TDRD6: variants seen among roughly 807,000 people sequenced by gnomAD.
TDRD6 encodes the protein tudor domain containing 6.
A neutral mutation model predicts 157.5 loss-of-function variants in TDRD6; 186 were observed. The observed-to-expected ratio is 1.18, with a 90% CI of 1.05 to 1.33. The LOEUF (loss-of-function observed/expected upper bound fraction) is 1.33. Ranked by LOEUF, TDRD6 falls within the 40% of genes most tolerant of loss-of-function variation. The probability of loss-of-function intolerance (pLI) is 0.00; values close to 1 mark genes in which losing one functional copy is unlikely to be tolerated. For missense variants in TDRD6, 3,066 were observed against 2,508.0 expected, an observed-to-expected ratio of 1.22 and a Z score of -4.75; for synonymous variants, 1,075 against 945.2, an observed-to-expected ratio of 1.14 and a Z score of -2.52.
chr6:46,704,303 A>AT lies in TDRD6; in HGVS notation c.*2419dup. On this transcript the variant is annotated 3_prime_UTR_variant, in exon 4 of 4. Transcript: ENST00000316081. The stretch of plus-strand genomic sequence containing the variant: ...AAAAGGAATCATCTTTAAAATTAAA[A>AT]TTTAGGCTGATATGAATATTGTATA... The AT allele has an allele frequency of 2.6e-6, 1 of 378,966 alleles. No individual in the cohort carries two copies. Among genetic ancestry groups the AT allele is most frequent in the Non-Finnish European group, 4.8e-6 (1 of 207,400 alleles). 23.5% of individuals were successfully genotyped at this position (378,966 alleles called of 1,614,324 possible). A position where few individuals can be genotyped will look rare whatever the true frequency, so the allele number is the denominator to read the frequency against.
chr6:46,691,219 A>T lies in TDRD6; in HGVS notation c.3091A>T (p.Thr1031Ser). ...QLSKVLLNLK[T>S]SPLNPGTLCL... ...AAGTAAAGTTTTGCTGAATTTAAAA[A>T]CATCTCCCTTGAACCCTGGAACCTT... Residue 1031 changes from threonine to serine, a missense_variant, in exon 1 of 4, where the codon ACA becomes TCA. Thr to Ser is a moderately conservative substitution (Grantham distance 58). Transcript: ENST00000316081. The T allele has an allele frequency of 1.2e-6, 2 of 1,613,532 alleles. No individual in the cohort carries two copies. The highest frequency in any genetic ancestry group is 1.7e-6 in the Non-Finnish European group (2 of 1,179,810).
In TDRD6 at chr6:46,689,744, C is replaced by T; in HGVS notation, c.1616C>T (p.Pro539Leu). The stretch of plus-strand genomic sequence containing the variant: ...GATGGTGTAGTTTTGAAACCTGAAC[C>T]TGATGACCTTTGCTGTGTCAAGTGG... ...KLDGVVLKPEPDDLCCVKWKE... is the reference protein window; with the variant it reads ...KLDGVVLKPELDDLCCVKWKE... Residue 539 changes from proline (P) to leucine (L), a missense_variant, in exon 1 of 4, where the codon CCT (proline) becomes CTT (leucine). Transcript: ENST00000316081. 1 of 1,614,158 alleles carries T rather than the reference C, an allele frequency of 6.2e-7. No individual in the cohort carries two copies. Among genetic ancestry groups the T allele is most frequent in the Non-Finnish European group, 8.5e-7 (1 of 1,180,034 alleles).
At position 46,688,975 on chromosome 6, in the gene TDRD6, A is replaced by AT. The variant is rs1476089204; in HGVS notation, c.848dup (p.Met283IlefsTer14). 1.9e-6 allele frequency: 3 copies of AT among 1,613,490 alleles called. No homozygotes were observed. The highest frequency in any genetic ancestry group is 2.5e-6 in the Non-Finnish European group (3 of 1,179,730). On this transcript the variant is annotated frameshift_variant, in exon 1 of 4. Coordinates refer to ENST00000316081, the MANE Select transcript of TDRD6 (RefSeq NM_001010870.3). LOFTEE classifies it high-confidence loss of function. ...GGAGATCCACCGCCTCTCCGAGAGC[A>AT]TGGCCCAGGTATACCGGGGTTCCAC...
Position 46,702,931 on chromosome 6 carries a change from T to C in TDRD6, c.*1044T>C, listed in dbSNP as rs1047975332. ...TTTTTAAGATGAGAAATAATTGATATAAAGTCCCTGAAAAGGAGTAGGCAT... is the reference window on the plus strand; with the variant it reads ...TTTTTAAGATGAGAAATAATTGATACAAAGTCCCTGAAAAGGAGTAGGCAT... On this transcript the variant is annotated 3_prime_UTR_variant, in exon 4 of 4. Transcript: ENST00000316081. 1.3e-5 allele frequency: 2 copies of C among 152,082 alleles called. No homozygotes were observed. The highest frequency in any genetic ancestry group is 2.4e-5 in the African/African-American group (1 of 41,442). The allele number at this position is 152,082 out of a possible 1,614,324, so 9.4% of individuals were successfully genotyped here. A position where few individuals can be genotyped will look rare whatever the true frequency, so the allele number is the denominator to read the frequency against.
chr6:46,688,561 G>A lies in TDRD6; in HGVS notation c.433G>A (p.Glu145Lys), dbSNP rs199922231. Residue 145 changes from glutamate (E) to lysine (K), a missense_variant, in exon 1 of 4, where the codon GAG (glutamate) becomes AAG (lysine). Physicochemically the swap from Glu to Lys is moderately conservative, Grantham distance 56 (BLOSUM62 1). Transcript: ENST00000316081. ...VPAGCGAGSGEPPQHWPADAV... is the reference protein window; with the variant it reads ...VPAGCGAGSGKPPQHWPADAV... ...GGCAGGCTGCGGCGCGGGCTCAGGC[G>A]AGCCGCCGCAGCACTGGCCCGCCGA... 9.8e-5 allele frequency: 155 copies of A among 1,586,450 alleles called. No individual in the cohort carries two copies. The African/African-American group carries it at 1.9e-3, about 19-fold the overall frequency.
Position 46,701,973 on chromosome 6 carries a change from A to G in TDRD6, c.*86A>G, listed in dbSNP as rs192738120. 2.1e-3 allele frequency: 3,025 copies of G among 1,464,820 alleles called. 7 individuals carry two copies. The highest frequency in any genetic ancestry group is 2.0e-3 in the Non-Finnish European group (2,135 of 1,062,182). The allele number at this position is 1,464,820 out of a possible 1,614,324, so 90.7% of individuals were successfully genotyped here. A position where few individuals can be genotyped will look rare whatever the true frequency, so the allele number is the denominator to read the frequency against. ...CGCAGACCAACAGAGTATTTGAGAA[A>G]ATTGAAAACATGTAACCACAAGAAG... On this transcript the variant is annotated 3_prime_UTR_variant, in exon 4 of 4. Transcript: ENST00000316081.
At chr6:46,701,145 A>G (rs775660541) in intron 3 of TDRD6, 17 of 275,270 alleles carry the variant, frequency 6.2e-5, no homozygotes, top group Middle Eastern at 1.1e-3. Flanking sequence ...AATCCCTCAA[A>G]CAAAAATGGT....
At chr6:46,683,235 A>T (rs1764004946), upstream of TDRD6, among the ~76,000 whole-genome samples, 1 of 152,062 alleles carries the variant, frequency 6.6e-6, no homozygotes, top group East Asian at 1.9e-4. Context: ...TTTGCAACAA[A>T]TGGCAGTATA....
intron 2 of TDRD6, among the ~76,000 whole-genome samples, chr6:46,697,334 C>G (rs956858625): frequency 2.6e-5 from 4 of 152,034 alleles, no homozygotes; most frequent in African/African-American, 9.7e-5. Context: ...TCAACCTTCC[C>G]CCATCCCAAA....
At chr6:46,680,833 C>T in the TDRD6 span, among the ~76,000 whole-genome samples, 4 of 152,088 alleles carry the variant, frequency 2.6e-5, no homozygotes, top group African/African-American at 4.8e-5. Flanking sequence ...CTCCATCTAC[C>T]TTTCTTCCCA....
Position 46,689,207 on chromosome 6 carries a change from G to C in TDRD6, c.1079G>C (p.Arg360Pro), listed in dbSNP as rs779487173. Residue 360 changes from arginine to proline, a missense_variant, in exon 1 of 4, where the codon CGG (arginine) becomes CCG (proline). By Grantham distance (103) the Arg-to-Pro change is moderately radical (BLOSUM62 -2). Transcript: ENST00000316081. ...RKELVSCSSL[R>P]YLLPEYFRMP... Reference sequence around the variant, plus strand: ...GAGTTAGTGAGTTGCAGCAGCCTTCGGTACTTGCTGCCTGAATATTTTCGA... The same window carrying C: ...GAGTTAGTGAGTTGCAGCAGCCTTCCGTACTTGCTGCCTGAATATTTTCGA... 2 of 1,614,142 alleles carry C rather than the reference G, an allele frequency of 1.2e-6. No individual in the cohort carries two copies. The highest frequency in any genetic ancestry group is 2.2e-5 in the South Asian group (2 of 91,066).
At chr6:46,701,027 T>C (rs1456457471) in intron 3 of TDRD6, 1 of 464,572 alleles carries the variant, frequency 2.2e-6, no homozygotes, top group South Asian at 1.6e-5. Flanking sequence ...GGGAAAGATC[T>C]TTACTTCATG....
At position 46,689,967 on chromosome 6, in the gene TDRD6, C is replaced by T. The variant is rs1367922911; in HGVS notation, c.1839C>T (p.Ser613=). Reference sequence around the variant, plus strand: ...TTTGGCCTTTGGGAAAAACTTGGAGCCAGGAGGCAGTTTCCTTTTTTAAAA... The same window carrying T: ...TTTGGCCTTTGGGAAAAACTTGGAGTCAGGAGGCAGTTTCCTTTTTTAAAA... ...ADIWPLGKTW[S]QEAVSFFKKT... is the part of the protein sequence containing the mutation. Residue 613 remains serine (S), a synonymous_variant, in exon 1 of 4, where the codon AGC becomes AGT. Coordinates refer to ENST00000316081, the MANE Select transcript of TDRD6 (RefSeq NM_001010870.3). 7 of 1,613,558 alleles carry T rather than the reference C, an allele frequency of 4.3e-6. No homozygotes were observed. Among genetic ancestry groups the T allele is most frequent in the Admixed American group, 1.7e-5 (1 of 59,920 alleles).
chr6:46,693,583 T>G lies in TDRD6; in HGVS notation c.5455T>G (p.Leu1819Val). The G allele has an allele frequency of 6.2e-7, 1 of 1,614,176 alleles. No homozygotes were observed. Among genetic ancestry groups the G allele is most frequent in the Non-Finnish European group, 8.5e-7 (1 of 1,180,030 alleles). The change falls in exon 1 of 4, where the codon TTA becomes GTA. Residue 1819 changes from leucine to valine, a missense_variant. Transcript: ENST00000316081. ...DKYLITGFNT[L>V]LPHANETKEI... ...ATACCTGATTACAGGATTTAACACATTACTACCACATGCTAATGAAACAAA... is the reference window on the plus strand; with the variant it reads ...ATACCTGATTACAGGATTTAACACAGTACTACCACATGCTAATGAAACAAA...
Position 46,688,536 on chromosome 6 carries a change from G to C in TDRD6, c.408G>C (p.Pro136=), listed in dbSNP as rs191250380. The change falls in exon 1 of 4, where the codon CCG becomes CCC. Residue 136 remains proline (P), a synonymous_variant. Coordinates refer to ENST00000316081, the MANE Select transcript of TDRD6 (RefSeq NM_001010870.3). ...VLGCVLAGLV[P]AGCGAGSGEP... is the part of the protein sequence containing the mutation. ...GCTGCGTGCTAGCGGGCCTGGTGCC[G>C]GCAGGCTGCGGCGCGGGCTCAGGCG... The C allele has an allele frequency of 3.8e-6, 6 of 1,572,600 alleles. No individual in the cohort carries two copies. Among genetic ancestry groups the C allele is most frequent in the Non-Finnish European group, 4.3e-6 (5 of 1,164,384 alleles).
rs781150687 is a variant in TDRD6 at position 46,690,416 on chromosome 6, C to T, written c.2288C>T (p.Ser763Phe). 4 of 1,613,998 alleles carry T rather than the reference C, an allele frequency of 2.5e-6. No homozygotes were observed. Among genetic ancestry groups the T allele is most frequent in the African/African-American group, 2.7e-5 (2 of 75,050 alleles). Reference sequence around the variant, plus strand: ...TGCTTGGAAATTAAGCCAGGCTCCTCTAGTAAAGGAGAGCTGGAAGTTGGA... The same window carrying T: ...TGCTTGGAAATTAAGCCAGGCTCCTTTAGTAAAGGAGAGCTGGAAGTTGGA... ...QNCLEIKPGS[S>F]SKGELEVGST... Residue 763 changes from serine (S) to phenylalanine (F), a missense_variant, in exon 1 of 4, where the codon TCT (serine) becomes TTT (phenylalanine). Transcript: ENST00000316081.
At position 46,698,040 on chromosome 6, in the gene TDRD6, G is replaced by T; in HGVS notation, c.6214G>T (p.Glu2072Ter). ...SNGMEEIVNP[E>*]NVWNGIPKLD... Reference sequence around the variant, plus strand: ...TGGTATGGAGGAGATAGTGAACCCTGAGAATGTCTGGAATGGCATACCCAA... The same window carrying T: ...TGGTATGGAGGAGATAGTGAACCCTTAGAATGTCTGGAATGGCATACCCAA... The change falls in exon 3 of 4, where the codon GAG becomes TAG. Residue 2072 changes from glutamate (E) to a stop codon, truncating the protein, a stop_gained. Coordinates refer to ENST00000316081, the MANE Select transcript of TDRD6 (RefSeq NM_001010870.3). LOFTEE classifies it high-confidence loss of function. 1 of 1,611,686 alleles carries T rather than the reference G, an allele frequency of 6.2e-7. No individual in the cohort carries two copies. The highest frequency in any genetic ancestry group is 8.5e-7 in the Non-Finnish European group (1 of 1,178,436).
Position 46,689,238 on chromosome 6 carries a change from G to C in TDRD6, c.1110G>C (p.Pro370=), listed in dbSNP as rs553530875. 6.2e-7 allele frequency: 1 copy of C among 1,614,130 alleles called. No individual in the cohort carries two copies. Among genetic ancestry groups the C allele is most frequent in the Admixed American group, 1.7e-5 (1 of 60,014 alleles). ...TGCTGCCTGAATATTTTCGAATGCCGGTGGTGACCTACCCTTGTGCTTTGT... is the reference window on the plus strand; with the variant it reads ...TGCTGCCTGAATATTTTCGAATGCCCGTGGTGACCTACCCTTGTGCTTTGT... The part of the protein sequence containing the change: ...RYLLPEYFRM[P]VVTYPCALYG... The change falls in exon 1 of 4, where the codon CCG becomes CCC. Residue 370 remains proline, a synonymous_variant. Coordinates refer to ENST00000316081, the MANE Select transcript of TDRD6 (RefSeq NM_001010870.3).
At chr6:46,696,472 GTGTA>G (rs1168045085) in intron 2 of TDRD6, among the ~76,000 whole-genome samples, 1 of 109,970 alleles carries the variant, frequency 9.1e-6, no homozygotes, top group Non-Finnish European at 1.8e-5. Flanking sequence ...ATGTATATGT[GTGTA>G]TATATATATA....
Sources: allele counts gnomAD v4.1 joint callset (sites outside exome capture counted in the v4.1 genomes callset), GRCh38; gene constraint gnomAD v4.1.1; transcripts MANE v1.5; gene names NCBI Gene and HGNC (gene_info 2026-07-23, HGNC 2026-07-21).